PCDHGB1: variants seen among roughly 807,000 people sequenced by gnomAD.
PCDHGB1 encodes protocadherin gamma-B1.
In PCDHGB1, 34 loss-of-function variants were observed where a neutral mutation model predicts 56.6. The ratio of observed to expected loss-of-function variants is 0.60; its 90% confidence interval spans 0.46 to 0.80. The LOEUF (loss-of-function observed/expected upper bound fraction) is 0.80, where lower values mean the gene tolerates loss of function less well. Among genes scored for constraint, PCDHGB1 ranks in the 30% least tolerant of loss-of-function variants. The pLI is 0.00. For missense variants in PCDHGB1, 1,278 were observed against 1,204.6 expected, an observed-to-expected ratio of 1.06 and a Z score of -0.90; for synonymous variants, 561 against 505.9, an observed-to-expected ratio of 1.11 and a Z score of -1.46.
chr5:141,441,764 C>A, intron 1 of PCDHGB1: 1 of 384,482 alleles, frequency 2.6e-6, no homozygotes, highest in South Asian at 2.1e-5. Flanking sequence ...TGAGCCTGCG[C>A]GTGTTGGTGG....
At chr5:141,433,070 CCCCAG>C in intron 1 of PCDHGB1, 1 of 1,614,174 alleles carries the variant, frequency 6.2e-7, no homozygotes, top group Non-Finnish European at 8.5e-7. Context: ...CCTGATCTTC[CCCCAG>C]CCCAACTATG....
chr5:141,355,498 C>T, intron 1 of PCDHGB1: 2 of 1,614,024 alleles, frequency 1.2e-6, no homozygotes, highest in Middle Eastern at 1.6e-4. Context: ...CGACAGATCT[C>T]CAAACTGTGT....
chr5:141,385,241 G>A lies in PCDHGB1; in HGVS notation c.2409+32572G>A, dbSNP rs749708848. ...CCCAACTATGTAGACATGCTCATCA[G>A]CCAGGAGAGCTGTGAGAAAAATGAT... On this transcript the variant is annotated intron_variant, in intron 1 of 3. Transcript: ENST00000523390. 9 of 1,613,904 alleles carry A rather than the reference G, an allele frequency of 5.6e-6. No homozygotes were observed. The Admixed American group carries it at 1.5e-4, about 27-fold the overall frequency.
chr5:141,494,740 T>C, intron 1 of PCDHGB1, 67 bp from the exon 2 acceptor site: 1 of 1,612,194 alleles, frequency 6.2e-7, no homozygotes, highest in Non-Finnish European at 8.5e-7. Context: ...GGCCCATCCC[T>C]AGGGGCTCGG....
Position 141,477,749 on chromosome 5 carries a change from C to T in PCDHGB1, c.2410-17058C>T. The stretch of plus-strand genomic sequence containing the variant: ...AGCTCATATCAGCGATGGGGGCACC[C>T]CGGTCCTAGCCACCAACATCAGCGT... On this transcript the variant is annotated intron_variant, in intron 1 of 3. Transcript: ENST00000523390. The surrounding 1 kb of genome is among the most constrained non-coding windows in gnomAD (Gnocchi z 4.9). 1 of 1,613,904 alleles carries T rather than the reference C, an allele frequency of 6.2e-7. No homozygotes were observed. Among genetic ancestry groups the T allele is most frequent in the Non-Finnish European group, 8.5e-7 (1 of 1,180,030 alleles).
intron 1 of PCDHGB1, chr5:141,394,620 T>A: frequency 6.2e-7 from 1 of 1,613,124 alleles, no homozygotes; most frequent in Non-Finnish European, 8.5e-7. Context: ...CCAGAACGCC[T>A]GGCTGTCCTA....
intron 1 of PCDHGB1, chr5:141,427,624 C>T (rs2097051687): frequency 1.4e-6 from 1 of 698,516 alleles, no homozygotes; most frequent in South Asian, 1.5e-5. Context: ...AACGACAATG[C>T]TCCGGTTTTC....
In PCDHGB1 at chr5:141,489,705, C is replaced by G; in HGVS notation, c.2410-5102C>G. The G allele has an allele frequency of 6.2e-7, 1 of 1,614,022 alleles. No homozygotes were observed. The highest frequency in any genetic ancestry group is 1.1e-5 in the South Asian group (1 of 91,074). ...CATCTGGGGCACGATTCCCACTGGA[C>G]AGTGCCCAGGATCCGGATGTGGGCA... On this transcript the variant is annotated intron_variant, in intron 1 of 3. Coordinates refer to ENST00000523390, the MANE Select transcript of PCDHGB1 (RefSeq NM_018922.3). The surrounding 1 kb of genome is among the most constrained non-coding windows in gnomAD (Gnocchi z 4.5).
chr5:141,434,072 A>G lies in PCDHGB1; in HGVS notation c.2410-60735A>G, dbSNP rs558084143. On this transcript the variant is annotated intron_variant, in intron 1 of 3. Coordinates refer to ENST00000523390, the MANE Select transcript of PCDHGB1 (RefSeq NM_018922.3). ...CAATGGCCTGTAATCTGTTAATATC[A>G]ATTATTTATTTTGATGCTGAAATTG... Among the ~76,000 whole-genome samples the G allele has an allele frequency of 1.9e-3, 289 of 152,072 alleles. 1 individual carries two copies. Among genetic ancestry groups the G allele is most frequent in the African/African-American group, 6.7e-3 (276 of 41,486 alleles).
At chr5:141,427,938 G>A in intron 1 of PCDHGB1, 1 of 1,584,968 alleles carries the variant, frequency 6.3e-7, no homozygotes, top group South Asian at 1.1e-5. Context: ...GTTGGTGGGC[G>A]ACCTCAATGA....
chr5:141,465,893 C>T (rs926928579), intron 1 of PCDHGB1, among the ~76,000 whole-genome samples: 23 of 152,078 alleles, frequency 1.5e-4, no homozygotes, highest in Middle Eastern at 3.4e-3. Context: ...GAGGCCGAGG[C>T]GGGCAAATCA....
chr5:141,491,537 C>T lies in PCDHGB1; in HGVS notation c.2410-3270C>T, dbSNP rs1330469043. The T allele has an allele frequency of 3.1e-6, 5 of 1,613,908 alleles. No homozygotes were observed. The highest frequency in any genetic ancestry group is 4.2e-6 in the Non-Finnish European group (5 of 1,180,020). On this transcript the variant is annotated intron_variant, in intron 1 of 3. Transcript: ENST00000523390. This position sits in a 1 kb window ranked among gnomAD's most constrained non-coding sequence, Gnocchi z 6.9. ...AAGTACATGGAGGTGACGCTGCGGC[C>T]CACAGACTCGCAGAGCCACTGCTAC...
chr5:141,421,047 C>G, intron 1 of PCDHGB1: 1 of 552,794 alleles, frequency 1.8e-6, no homozygotes, highest in Middle Eastern at 4.8e-4. Flanking sequence ...CCTCCCCCGC[C>G]TCTACCACAC....
chr5:141,387,668 A>C, intron 1 of PCDHGB1: 1 of 689,820 alleles, frequency 1.4e-6, no homozygotes, highest in Non-Finnish European at 2.4e-6. Flanking sequence ...GGCGCTCCAG[A>C]TCTCCTCGCG....
chr5:141,452,654 T>C (rs2098746449), intron 1 of PCDHGB1, among the ~76,000 whole-genome samples: 1 of 151,162 alleles, frequency 6.6e-6, no homozygotes, highest in Non-Finnish European at 1.5e-5. Context: ...ATTTGCTCCA[T>C]CCACTGCACT....
intron 1 of PCDHGB1, chr5:141,357,176 C>T (rs773715836): frequency 6.2e-7 from 1 of 1,613,788 alleles, no homozygotes; most frequent in Admixed American, 1.7e-5. Context: ...GCCACCGTCA[C>T]ACTCACTGTG....
At chr5:141,506,278 G>A (rs1001662623) in intron 3 of PCDHGB1, among the ~76,000 whole-genome samples, 1 of 152,090 alleles carries the variant, frequency 6.6e-6, no homozygotes. Flanking sequence ...GTGAAACCCT[G>A]TCTCTACTAA....
chr5:141,467,409 C>T (rs2099143590), intron 1 of PCDHGB1, among the ~76,000 whole-genome samples: 1 of 152,132 alleles, frequency 6.6e-6, no homozygotes, highest in South Asian at 2.1e-4. Context: ...GAAAGCCTTT[C>T]CCCACACCTA....
rs1188707468 is a variant in PCDHGB1 at position 141,384,157 on chromosome 5, A to G, written c.2409+31488A>G. The G allele has an allele frequency of 8.7e-6, 14 of 1,613,580 alleles. No individual in the cohort carries two copies. The highest frequency in any genetic ancestry group is 1.1e-5 in the South Asian group (1 of 91,054). ...CCGGGAAACACTCTCTTTGTATAAC[A>G]TCACACTGAAAGCCACAGATGGTGG... On this transcript the variant is annotated intron_variant, in intron 1 of 3. Coordinates refer to ENST00000523390, the MANE Select transcript of PCDHGB1 (RefSeq NM_018922.3).
Sources: gnomAD v4.1 joint callset for allele counts (sites outside exome capture counted in the v4.1 genomes callset) on GRCh38, gnomAD v4.1.1 for gene constraint, Gnocchi (gnomAD v3.1) non-coding constraint, MANE v1.5 for transcripts, NCBI Gene and HGNC (gene_info 2026-07-23, HGNC 2026-07-21) for gene names.